Variants in ZNF385B observed in about 807,000 individuals in gnomAD.
ZNF385B encodes zinc finger protein 385B.
ZNF385B carries 23 observed loss-of-function variants against 39.2 expected under a neutral mutation model. That is an observed-to-expected ratio of 0.59 (90% confidence interval 0.42 to 0.83). The LOEUF is 0.83. Ranked by LOEUF, ZNF385B falls within the 40% of genes least tolerant of loss-of-function variation. The pLI, the probability that ZNF385B is intolerant of heterozygous loss-of-function variation, is 0.00. For synonymous variants in ZNF385B, 205 were observed against 222.6 expected, an observed-to-expected ratio of 0.92 and a Z score of 0.70; for missense variants, 552 against 598.9, an observed-to-expected ratio of 0.92 and a Z score of 0.82.
rs776466094 is a variant in ZNF385B, at chr2:179,697,714, C to CT, written c.298+71788dup. ...TCAAAAGAAAGGATGTGCTCTTTTC[C>CT]TTTTTTTTGGTAAATGGAAACGAAA... On this transcript the variant is annotated intron_variant, in intron 3 of 9. Transcript: ENST00000410066. 1.3e-4 allele frequency among the ~76,000 whole-genome samples: 19 copies of CT among 151,942 alleles called. No homozygotes were observed. The East Asian group carries it at 1.7e-3, about 14-fold the overall frequency.
At chr2:179,455,756 T>A (rs1348907801) in intron 6 of ZNF385B, among the ~76,000 whole-genome samples, 19 of 151,626 alleles carry the variant, frequency 1.3e-4, no homozygotes, top group Non-Finnish European at 2.9e-5. Context: ...GCTAGGCATG[T>A]TGGCGCATGC....
intron 1 of ZNF385B, among the ~76,000 whole-genome samples, chr2:179,797,766 T>C (rs892008734): frequency 6.6e-6 from 1 of 152,172 alleles, no homozygotes; most frequent in Non-Finnish European, 1.5e-5. Flanking sequence ...TGAGATCTAA[T>C]CTTTGTCACC....
chr2:179,477,727 C>T (rs549673755), intron 6 of ZNF385B, among the ~76,000 whole-genome samples: 1 of 151,790 alleles, frequency 6.6e-6, no homozygotes, highest in East Asian at 1.9e-4. Flanking sequence ...CAAGCAGGAA[C>T]TTTGAGAATA....
At chr2:179,631,738 A>C (rs1178259961) in intron 3 of ZNF385B, among the ~76,000 whole-genome samples, 1 of 152,230 alleles carries the variant, frequency 6.6e-6, no homozygotes, top group Non-Finnish European at 1.5e-5. Context: ...TTGGATAAAG[A>C]GTCAAGACCC....
At chr2:179,705,381 A>T (rs751059727) in intron 3 of ZNF385B, among the ~76,000 whole-genome samples, 72 of 152,168 alleles carry the variant, frequency 4.7e-4, no homozygotes, top group Non-Finnish European at 9.4e-4. Flanking sequence ...CTTACCAAAC[A>T]TTTGTTTCCA....
chr2:179,819,247 G>A (rs1282702212), intron 1 of ZNF385B, among the ~76,000 whole-genome samples: 1 of 152,150 alleles, frequency 6.6e-6, no homozygotes, highest in Non-Finnish European at 1.5e-5. Context: ...AGGGACTTAT[G>A]GCTTTCAATA....
intron 3 of ZNF385B, among the ~76,000 whole-genome samples, chr2:179,724,927 T>G (rs904248792): frequency 2.0e-5 from 3 of 152,188 alleles, no homozygotes; most frequent in Non-Finnish European, 4.4e-5. Context: ...TAAACCATTT[T>G]GCTATGAATT....
At chr2:179,842,579 T>C (rs1178990412) in intron 1 of ZNF385B, among the ~76,000 whole-genome samples, 1 of 152,114 alleles carries the variant, frequency 6.6e-6, no homozygotes, top group Non-Finnish European at 1.5e-5. Flanking sequence ...AACTCTTTCA[T>C]AGATTGAGTT....
At chr2:179,695,787 T>A (rs2106352717) in intron 3 of ZNF385B, among the ~76,000 whole-genome samples, 1 of 152,342 alleles carries the variant, frequency 6.6e-6, no homozygotes, top group African/African-American at 2.4e-5. Flanking sequence ...AAAGCTTGTA[T>A]GCAATTGTTT....
intron 3 of ZNF385B, among the ~76,000 whole-genome samples, chr2:179,654,883 T>C (rs925086549): frequency 2.0e-5 from 3 of 152,172 alleles, no homozygotes; most frequent in Admixed American, 1.3e-4. Flanking sequence ...TTAACCCAAC[T>C]TGCAGCCTAA....
intron 4 of ZNF385B, among the ~76,000 whole-genome samples, chr2:179,535,980 GC>G (rs1217443218): frequency 1.3e-5 from 2 of 152,186 alleles, no homozygotes; most frequent in African/African-American, 2.4e-5. Context: ...GGGTTCGCAA[GC>G]TTTTGATAAA....
intron 1 of ZNF385B, among the ~76,000 whole-genome samples, chr2:179,801,151 G>A (rs899508801): frequency 2.0e-5 from 3 of 152,024 alleles, no homozygotes; most frequent in Non-Finnish European, 2.9e-5. Context: ...ATCCTCAGGA[G>A]GTAATGAGGC....
chr2:179,703,299 C>T (rs948901062), intron 3 of ZNF385B, among the ~76,000 whole-genome samples: 2 of 152,134 alleles, frequency 1.3e-5, no homozygotes, highest in African/African-American at 4.8e-5. Context: ...ATGCACTTCC[C>T]CAGAAACTAC....
At chr2:179,814,659 C>T in intron 1 of ZNF385B, 1 of 408,746 alleles carries the variant, frequency 2.4e-6, no homozygotes, top group Admixed American at 3.1e-5. Context: ...AACTACTCCA[C>T]CAAGTCCAGA....
intron 3 of ZNF385B, among the ~76,000 whole-genome samples, chr2:179,760,820 C>T (rs1703338032): frequency 1.3e-5 from 2 of 152,114 alleles, no homozygotes; most frequent in South Asian, 4.1e-4. Flanking sequence ...GTGATGCAGC[C>T]ACAGGCCCAG....
chr2:179,605,302 TGTGC>T (rs1274258965), intron 3 of ZNF385B, among the ~76,000 whole-genome samples: 6 of 152,184 alleles, frequency 3.9e-5, no homozygotes, highest in Non-Finnish European at 7.4e-5. Context: ...CACTGCTTCC[TGTGC>T]TATTTCATTT....
intron 1 of ZNF385B, among the ~76,000 whole-genome samples, chr2:179,804,377 A>C (rs943344223): frequency 6.6e-6 from 1 of 152,180 alleles, no homozygotes; most frequent in African/African-American, 2.4e-5. Context: ...TGCCAGTGGG[A>C]TTGCTCCAGT....
chr2:179,764,650 CAT>C (rs779407864), intron 3 of ZNF385B, among the ~76,000 whole-genome samples: 2 of 152,150 alleles, frequency 1.3e-5, no homozygotes, highest in Admixed American at 6.6e-5. Flanking sequence ...ATGATATACA[CAT>C]GTGACTTATG....
chr2:179,520,544 A>T (rs1435297752), intron 4 of ZNF385B, among the ~76,000 whole-genome samples: 3 of 152,210 alleles, frequency 2.0e-5, no homozygotes, highest in Non-Finnish European at 2.9e-5. Context: ...CTTAAATCCC[A>T]TCTATCTATT....
Sources: allele counts gnomAD v4.1 joint callset (sites outside exome capture counted in the v4.1 genomes callset), GRCh38; gene constraint gnomAD v4.1.1; transcripts MANE v1.5; gene names NCBI Gene and HGNC (gene_info 2026-07-23, HGNC 2026-07-21).